Variants in SLC24A4 observed in about 807,000 individuals in gnomAD.
SLC24A4 encodes sodium/potassium/calcium exchanger 4.
A neutral mutation model predicts 79.0 loss-of-function variants in SLC24A4; 53 were observed. That is an observed-to-expected ratio of 0.67 (90% CI 0.54 to 0.84). The LOEUF (loss-of-function observed/expected upper bound fraction) is 0.84. Ranked by LOEUF, SLC24A4 falls within the 40% of genes least tolerant of loss-of-function variation. The pLI is 0.00. For missense variants in SLC24A4, 731 were observed against 822.0 expected (o/e 0.89, Z 1.35); for synonymous variants, 323 against 323.8 (o/e 1.00, Z 0.03).
chr14:92,449,104 A>T lies in SLC24A4; in HGVS notation c.768A>T (p.Thr256=). ...ATGTGAAGATGCAAGCCTTTTTCACAGTCAAACAAAAGAGCATTGCAAACG... is the reference window on the plus strand; with the variant it reads ...ATGTGAAGATGCAAGCCTTTTTCACTGTCAAACAAAAGAGCATTGCAAACG... ...KYNVKMQAFF[T]VKQKSIANGN... is the part of the protein sequence containing the mutation. The change falls in exon 10 of 17, where the codon ACA becomes ACT. Residue 256 remains threonine, a synonymous_variant. Coordinates refer to ENST00000532405, the MANE Select transcript of SLC24A4 (RefSeq NM_153646.4). 6.2e-7 allele frequency: 1 copy of T among 1,614,166 alleles called. No individual in the cohort carries two copies. The highest frequency in any genetic ancestry group is 1.1e-5 in the South Asian group (1 of 91,082).
intron 12 of SLC24A4, among the ~76,000 whole-genome samples, chr14:92,475,669 A>C (rs1177894250): frequency 1.3e-5 from 2 of 152,186 alleles, no homozygotes; most frequent in Non-Finnish European, 2.9e-5. Context: ...GTGTCATTTA[A>C]GAAGTCATTG....
At chr14:92,378,728 G>A (rs527519376) in intron 2 of SLC24A4, among the ~76,000 whole-genome samples, 14 of 152,306 alleles carry the variant, frequency 9.2e-5, no homozygotes, top group Non-Finnish European at 1.6e-4. Context: ...AATGATAACA[G>A]CAATGAAGCA....
chr14:92,349,020 C>T (rs547871003), intron 2 of SLC24A4, among the ~76,000 whole-genome samples: 1 of 151,908 alleles, frequency 6.6e-6, no homozygotes, highest in Admixed American at 6.6e-5. Flanking sequence ...CTCTGGGAAT[C>T]TCATAAGATA....
intron 2 of SLC24A4, among the ~76,000 whole-genome samples, chr14:92,400,207 A>G (rs553425637): frequency 6.1e-4 from 93 of 152,266 alleles, no homozygotes; most frequent in South Asian, 1.9e-3. Context: ...TTGGGAGGCC[A>G]AGGCGGGCAG....
chr14:92,466,823 G>A (rs1223615822), intron 12 of SLC24A4, among the ~76,000 whole-genome samples: 1 of 152,146 alleles, frequency 6.6e-6, no homozygotes, highest in African/African-American at 2.4e-5. Context: ...ACCTGCATTC[G>A]AGACCTGGTA....
At chr14:92,491,301 C>T (rs906795272) in intron 14 of SLC24A4, among the ~76,000 whole-genome samples, 1 of 152,146 alleles carries the variant, frequency 6.6e-6, no homozygotes, top group African/African-American at 2.4e-5. Flanking sequence ...GGTTACTGAA[C>T]ACTGGCATGA....
At chr14:92,489,084 C>T (rs1054407168) in intron 14 of SLC24A4, among the ~76,000 whole-genome samples, 4 of 152,126 alleles carry the variant, frequency 2.6e-5, no homozygotes, top group East Asian at 1.9e-4. Context: ...GCGGGGGTTG[C>T]GTAATAGTCC....
chr14:92,484,515 C>G, intron 13 of SLC24A4: 1 of 985,330 alleles, frequency 1.0e-6, no homozygotes, highest in Non-Finnish European at 1.2e-6. Flanking sequence ...CTCTGTATCC[C>G]AAAAAGAAGC....
At chr14:92,458,885 T>C (rs1893636949) in intron 12 of SLC24A4, among the ~76,000 whole-genome samples, 3 of 152,040 alleles carry the variant, frequency 2.0e-5, no homozygotes, top group Admixed American at 2.0e-4. Flanking sequence ...GCAGGCTGCA[T>C]TGAGGGAGAT....
At chr14:92,365,196 G>A (rs1242671662) in intron 2 of SLC24A4, among the ~76,000 whole-genome samples, 4 of 152,252 alleles carry the variant, frequency 2.6e-5, no homozygotes, top group Non-Finnish European at 5.9e-5. Context: ...ACTGTGTGCC[G>A]TCGTTGGCTT....
chr14:92,333,664 G>A lies in SLC24A4; in HGVS notation c.241+7686G>A, dbSNP rs114499753. On this transcript the variant is annotated intron_variant, in intron 2 of 16. Transcript: ENST00000532405. The stretch of plus-strand genomic sequence containing the variant: ...GCGGGCTGATGCAGGCTGCTAAGGA[G>A]GGTCTGCAGAGAAAGGTGCTTCGTA... Among the ~76,000 whole-genome samples the A allele has an allele frequency of 1.5e-3, 230 of 152,352 alleles. 2 individuals carry two copies. Among genetic ancestry groups the A allele is most frequent in the African/African-American group, 5.3e-3 (220 of 41,578 alleles).
intron 2 of SLC24A4, among the ~76,000 whole-genome samples, chr14:92,332,230 C>T (rs971987945): frequency 4.6e-5 from 7 of 151,990 alleles, no homozygotes; most frequent in Admixed American, 3.9e-4. Flanking sequence ...TGCAGTGAGC[C>T]GAGATCGCAC....
chr14:92,343,645 T>TTACCTTCTTTCC (rs1886329120), intron 2 of SLC24A4, among the ~76,000 whole-genome samples: 1 of 55,226 alleles, frequency 1.8e-5, no homozygotes, highest in Non-Finnish European at 4.3e-5. Flanking sequence ...TCTTTCTCTC[T>TTACCTTCTTTCC]TTCCTTCTTT....
chr14:92,496,699 C>G lies in SLC24A4; in HGVS notation c.*3071C>G, dbSNP rs1292489882. On this transcript the variant is annotated 3_prime_UTR_variant, in exon 17 of 17. Transcript: ENST00000532405. ...ACCGTGGGCAGGACACAGTCCTCGC[C>G]TTACCCACCCCATCCTTCCTGTTAC... 1 of 152,264 alleles carries G rather than the reference C, an allele frequency of 6.6e-6. No individual in the cohort carries two copies. The highest frequency in any genetic ancestry group is 1.5e-5 in the Non-Finnish European group (1 of 68,082). 9.4% of individuals were successfully genotyped at this position (152,264 alleles called of 1,614,324 possible). A position where few individuals can be genotyped will look rare whatever the true frequency, so the allele number is the denominator to read the frequency against.
chr14:92,354,210 A>G (rs991151066), intron 2 of SLC24A4, among the ~76,000 whole-genome samples: 21 of 149,516 alleles, frequency 1.4e-4, no homozygotes, highest in Non-Finnish European at 4.4e-5. Flanking sequence ...TCTGTCGCCC[A>G]GGCTGGAGTG....
intron 2 of SLC24A4, among the ~76,000 whole-genome samples, chr14:92,387,529 G>A (rs546659278): frequency 1.3e-5 from 2 of 152,268 alleles, no homozygotes; most frequent in South Asian, 2.1e-4. Flanking sequence ...GTGACCATAC[G>A]TCATCTACTT....
chr14:92,440,018 C>T (rs1029914443), intron 4 of SLC24A4, among the ~76,000 whole-genome samples: 1 of 152,184 alleles, frequency 6.6e-6, no homozygotes, highest in African/African-American at 2.4e-5. Flanking sequence ...TGTGGAGTGC[C>T]CAGGGCTTTA....
chr14:92,434,367 AC>A (rs1242890547), intron 3 of SLC24A4, among the ~76,000 whole-genome samples: 9 of 152,066 alleles, frequency 5.9e-5, no homozygotes, highest in African/African-American at 2.2e-4. Flanking sequence ...TCCCATGACT[AC>A]CCCTAAATTT....
intron 2 of SLC24A4, among the ~76,000 whole-genome samples, chr14:92,336,243 A>T (rs992056985): frequency 1.3e-5 from 2 of 152,256 alleles, no homozygotes; most frequent in Admixed American, 6.5e-5. Context: ...GTTGGACGTA[A>T]CAGAAAAGTT....
Sources: allele counts gnomAD v4.1 joint callset (sites outside exome capture counted in the v4.1 genomes callset), GRCh38; gene constraint gnomAD v4.1.1; transcripts MANE v1.5; gene names NCBI Gene and HGNC (gene_info 2026-07-23, HGNC 2026-07-21).